Variants in PRKG1 observed in about 807,000 individuals in gnomAD.
The protein encoded by PRKG1 is cGMP-dependent protein kinase 1.
PRKG1 carries 35 observed loss-of-function variants against 88.1 expected under a neutral mutation model. The ratio of observed to expected loss-of-function variants is 0.40; its 90% CI spans 0.30 to 0.53. PRKG1 has a LOEUF of 0.53. Among genes scored for constraint, PRKG1 ranks in the 20% least tolerant of loss-of-function variants. PRKG1 has a pLI of 0.59. For synonymous variants in PRKG1, 303 were observed against 292.5 expected, an observed-to-expected ratio of 1.04 and a Z score of -0.37; for missense variants, 540 against 839.8, an observed-to-expected ratio of 0.64 and a Z score of 4.41.
At chr10:51,748,112 C>T (rs1403234647) in intron 3 of PRKG1, among the ~76,000 whole-genome samples, 1 of 152,138 alleles carries the variant, frequency 6.6e-6, no homozygotes, top group Non-Finnish European at 1.5e-5. Context: ...TGATTATTCA[C>T]CTGGGAAAAA....
chr10:51,978,032 G>C (rs11000355), intron 5 of PRKG1, among the ~76,000 whole-genome samples: 16,646 of 152,040 alleles, frequency 0.11, 1,226 homozygotes, highest in East Asian at 0.32. Context: ...TCTTTGTCAT[G>C]AAATCTTTGC....
At chr10:51,931,697 A>C (rs1296613262) in intron 5 of PRKG1, among the ~76,000 whole-genome samples, 1 of 152,220 alleles carries the variant, frequency 6.6e-6, no homozygotes, top group Non-Finnish European at 1.5e-5. Flanking sequence ...ATAATTCAAT[A>C]GACAATACAG....
At chr10:51,679,681 G>A (rs1163728817) in intron 3 of PRKG1, among the ~76,000 whole-genome samples, 1 of 147,168 alleles carries the variant, frequency 6.8e-6, no homozygotes, top group Non-Finnish European at 1.5e-5. Flanking sequence ...TGAGGCAGGA[G>A]AATAGGGTCT....
At chr10:51,691,693 T>A (rs993471712) in intron 3 of PRKG1, among the ~76,000 whole-genome samples, 2 of 152,182 alleles carry the variant, frequency 1.3e-5, no homozygotes, top group African/African-American at 4.8e-5. Flanking sequence ...GTTTTTATAC[T>A]GAGTAAAAGC....
At chr10:51,697,629 G>C in intron 3 of PRKG1, 3 of 1,495,484 alleles carry the variant, frequency 2.0e-6, no homozygotes, top group Middle Eastern at 2.4e-4. Context: ...ACAGAAGTCA[G>C]CTTTTTGCAC....
At chr10:51,452,909 TCTAA>T (rs747380039) in intron 2 of PRKG1, among the ~76,000 whole-genome samples, 2 of 152,050 alleles carry the variant, frequency 1.3e-5, no homozygotes, top group Non-Finnish European at 2.9e-5. Flanking sequence ...CAGCTGTGAA[TCTAA>T]CTATTTCTAC....
intron 2 of PRKG1, among the ~76,000 whole-genome samples, chr10:51,379,187 T>C (rs1262064335): frequency 6.6e-6 from 1 of 152,220 alleles, no homozygotes; most frequent in East Asian, 1.9e-4. Flanking sequence ...ACATACCTTG[T>C]ATCAGTTAGT....
intron 2 of PRKG1, among the ~76,000 whole-genome samples, chr10:51,381,761 C>A (rs1036530072): frequency 1.3e-5 from 2 of 152,174 alleles, no homozygotes; most frequent in Non-Finnish European, 2.9e-5. Context: ...TTCATTTCTC[C>A]AGCTCAGATT....
At chr10:51,796,296 C>T (rs751241209) in intron 3 of PRKG1, among the ~76,000 whole-genome samples, 33 of 151,944 alleles carry the variant, frequency 2.2e-4, no homozygotes, top group Admixed American at 4.6e-4. Flanking sequence ...AACATTAAAA[C>T]GTAAAGAGAA....
At chr10:51,750,352 A>G (rs191608730) in intron 3 of PRKG1, among the ~76,000 whole-genome samples, 12 of 152,304 alleles carry the variant, frequency 7.9e-5, no homozygotes, top group African/African-American at 2.4e-4. Context: ...ATGTGGACAT[A>G]AGAAATCACT....
rs542806271 is a variant in PRKG1 at position 51,426,195 on chromosome 10, C to T, written c.479-41528C>T. On this transcript the variant is annotated intron_variant, in intron 2 of 17. Transcript: ENST00000373980. ...ACTAGGGAGCCTGAGGCAGGAGAGT[C>T]GCTTGAACCTGGGAGGCAGAGGTTG... Among the ~76,000 whole-genome samples, 169 of 152,202 alleles carry T rather than the reference C, an allele frequency of 1.1e-3. 1 individual carries two copies. Among genetic ancestry groups the T allele is most frequent in the African/African-American group, 3.5e-3 (145 of 41,538 alleles).
At chr10:51,543,979 G>A (rs115112019) in intron 3 of PRKG1, among the ~76,000 whole-genome samples, 45 of 152,092 alleles carry the variant, frequency 3.0e-4, no homozygotes, top group African/African-American at 1.1e-3. Context: ...GTTATGAATG[G>A]TGACAATCTA....
rs191709957 is a variant in PRKG1 at position 51,635,217 on chromosome 10, A to C, written c.592+167381A>C. Among the ~76,000 whole-genome samples, 245 of 152,044 alleles carry C rather than the reference A, an allele frequency of 1.6e-3. 3 individuals are homozygous for C. The highest frequency in any genetic ancestry group is 3.0e-3 in the Non-Finnish European group (207 of 67,954). On this transcript the variant is annotated intron_variant, in intron 3 of 17. Transcript: ENST00000373980. The stretch of plus-strand genomic sequence containing the variant: ...TAGAATCAACTAATATAAGTCATGA[A>C]AACAAAAATTGATGGAATTAGGTTG...
At chr10:51,043,356 C>T (rs116873648) in intron 1 of PRKG1, among the ~76,000 whole-genome samples, 1,559 of 152,170 alleles carry the variant, frequency 0.01, 20 homozygotes, top group South Asian at 0.05. Flanking sequence ...ATTCCTGTGC[C>T]GTGCCCCCCA....
At chr10:51,874,233 A>G (rs1564687484) in intron 4 of PRKG1, among the ~76,000 whole-genome samples, 1 of 152,234 alleles carries the variant, frequency 6.6e-6, no homozygotes, top group Non-Finnish European at 1.5e-5. Flanking sequence ...TCCTTTTGCC[A>G]TCAATCTGTG....
chr10:51,924,538 T>C (rs1466972348), intron 5 of PRKG1, among the ~76,000 whole-genome samples: 1 of 152,152 alleles, frequency 6.6e-6, no homozygotes, highest in Non-Finnish European at 1.5e-5. Context: ...TTTATTCTGT[T>C]TGATATTCTC....
intron 9 of PRKG1, among the ~76,000 whole-genome samples, chr10:52,192,600 G>A (rs1839394067): frequency 6.6e-6 from 1 of 151,728 alleles, no homozygotes; most frequent in Non-Finnish European, 1.5e-5. Flanking sequence ...AAAGTCAAAG[G>A]GACTTTTTAT....
chr10:51,598,026 G>T (rs1025141810), intron 3 of PRKG1, among the ~76,000 whole-genome samples: 1 of 152,100 alleles, frequency 6.6e-6, no homozygotes, highest in Non-Finnish European at 1.5e-5. Flanking sequence ...ATAATAACTT[G>T]AACTGCTATA....
intron 3 of PRKG1, among the ~76,000 whole-genome samples, chr10:51,726,675 A>G (rs1589235977): frequency 6.6e-6 from 1 of 152,222 alleles, no homozygotes; most frequent in East Asian, 1.9e-4. Context: ...TAGTTGTTGT[A>G]CCCATGTAAC....
Sources: allele counts gnomAD v4.1 joint callset (sites outside exome capture counted in the v4.1 genomes callset), GRCh38; gene constraint gnomAD v4.1.1; transcripts MANE v1.5; gene names NCBI Gene and HGNC (gene_info 2026-07-23, HGNC 2026-07-21).